PCDH15: variants seen among roughly 807,000 people sequenced by gnomAD.
PCDH15 encodes protocadherin related 15, also known as protocadherin-15.
PCDH15 carries 129 observed loss-of-function variants against 178.5 expected under a neutral mutation model. The ratio of observed to expected loss-of-function variants is 0.72; its 90% CI spans 0.63 to 0.84. PCDH15 has a LOEUF of 0.84. Ranked by LOEUF, PCDH15 falls within the 40% of genes least tolerant of loss-of-function variation. The pLI is 0.00. For missense variants in PCDH15, 2,230 were observed against 2,099.9 expected (o/e 1.06, Z -1.21); for synonymous variants, 800 against 732.0 (o/e 1.09, Z -1.50).
intron 8 of PCDH15, among the ~76,000 whole-genome samples, chr10:54,243,799 G>A (rs537584906): frequency 2.0e-5 from 3 of 151,974 alleles, no homozygotes; most frequent in South Asian, 4.2e-4. Flanking sequence ...CAGACATATC[G>A]AAATGTTTTT....
In PCDH15 at chr10:53,871,177, A is replaced by T. The variant is rs1268599811; in HGVS notation, c.3502-4320T>A. On this transcript the variant is annotated intron_variant, in intron 26 of 37. Transcript: ENST00000644397. ...TGAAACCCCGTCTCTACTAAAAATT[A>T]AAAAAAAAAAAAAATTAGCTGGGCG... 1.2e-3 allele frequency among the ~76,000 whole-genome samples: 37 copies of T among 30,448 alleles called. 2 individuals carry two copies. Among genetic ancestry groups the T allele is most frequent in the African/African-American group, 2.2e-3 (33 of 14,776 alleles). 20.0% of individuals were successfully genotyped at this position (30,448 alleles called of 152,430 possible). A position where few individuals can be genotyped will look rare whatever the true frequency, so the allele number is the denominator to read the frequency against.
At chr10:54,669,078 C>G (rs1475849689) in intron 1 of PCDH15, among the ~76,000 whole-genome samples, 2 of 152,076 alleles carry the variant, frequency 1.3e-5, no homozygotes, top group Non-Finnish European at 2.9e-5. Flanking sequence ...TGAGGTTTTC[C>G]AAAGTCACTG....
At chr10:54,387,029 A>G (rs745808885) in intron 3 of PCDH15, among the ~76,000 whole-genome samples, 4 of 152,170 alleles carry the variant, frequency 2.6e-5, no homozygotes, top group Admixed American at 6.6e-5. Context: ...GAGGTAATAC[A>G]TATGTTAGTT....
chr10:55,044,843 G>A (rs559948193), intron 2 of PCDH15, among the ~76,000 whole-genome samples: 1 of 152,190 alleles, frequency 6.6e-6, no homozygotes, highest in South Asian at 2.1e-4. Flanking sequence ...TAGGGAATGA[G>A]CAAATCACAA....
chr10:54,964,649 C>T (rs1030175747), intron 2 of PCDH15, among the ~76,000 whole-genome samples: 1 of 152,078 alleles, frequency 6.6e-6, no homozygotes, highest in African/African-American at 2.4e-5. Flanking sequence ...CTATAAGATC[C>T]TTAAAACATT....
At chr10:55,095,021 A>T (rs544978325) in intron 2 of PCDH15, among the ~76,000 whole-genome samples, 6 of 150,952 alleles carry the variant, frequency 4.0e-5, no homozygotes, top group African/African-American at 1.5e-4. Context: ...ACCCTGGCTC[A>T]AGGGATCCTT....
At chr10:54,132,547 T>C (rs530540276) in intron 15 of PCDH15, among the ~76,000 whole-genome samples, 1 of 152,234 alleles carries the variant, frequency 6.6e-6, no homozygotes, top group African/African-American at 2.4e-5. Flanking sequence ...CAGAAAATAA[T>C]AGTCAGCTGC....
At chr10:54,957,652 G>A (rs1028883394) in intron 2 of PCDH15, among the ~76,000 whole-genome samples, 1 of 151,376 alleles carries the variant, frequency 6.6e-6, no homozygotes, top group African/African-American at 2.4e-5. Flanking sequence ...TCTCTCCATA[G>A]CAGGAAGGAA....
chr10:54,510,963 C>T (rs1215883309), intron 3 of PCDH15, among the ~76,000 whole-genome samples: 1 of 152,010 alleles, frequency 6.6e-6, no homozygotes, highest in East Asian at 1.9e-4. Context: ...GAACAAATGA[C>T]TTTTGTGAGT....
chr10:54,213,607 T>C (rs2134103637), intron 10 of PCDH15, among the ~76,000 whole-genome samples: 1 of 152,306 alleles, frequency 6.6e-6, no homozygotes, highest in Admixed American at 6.5e-5. Context: ...GTCATGTTTT[T>C]GTGGTAAAAC....
intron 13 of PCDH15, among the ~76,000 whole-genome samples, chr10:54,176,956 TA>T (rs5785043): frequency 1.4e-4 from 21 of 148,626 alleles, no homozygotes; most frequent in Middle Eastern, 3.5e-3. Context: ...TATGTCCATG[TA>T]AAAAAAAAAA....
chr10:55,295,946 C>A (rs2132272929), intron 1 of PCDH15, among the ~76,000 whole-genome samples: 1 of 151,902 alleles, frequency 6.6e-6, no homozygotes, highest in East Asian at 1.9e-4. Context: ...ATCACAAGTC[C>A]CAGGTAGTCA....
chr10:54,567,506 T>C (rs1160472661), intron 2 of PCDH15, among the ~76,000 whole-genome samples: 1 of 152,164 alleles, frequency 6.6e-6, no homozygotes, highest in African/African-American at 2.4e-5. Context: ...TCAATGCTTT[T>C]AGCTCTTCCA....
At position 55,161,819 on chromosome 10, in the gene PCDH15, G is replaced by C. The variant is rs186152953; in HGVS notation, c.-80+4757C>G. On this transcript the variant is annotated intron_variant, in intron 2 of 5. Coordinates refer to the PCDH15 transcript ENST00000458638. ...CAAATGCTGCTTTAACAAAGTGCAA[G>C]AAAAAACAATTGTTAAAATGATTTG... is the stretch of plus-strand genomic sequence containing the variant. Among the ~76,000 whole-genome samples the C allele has an allele frequency of 1.5e-3, 233 of 152,166 alleles. 2 individuals carry two copies. Among genetic ancestry groups the C allele is most frequent in the African/African-American group, 5.2e-3 (218 of 41,538 alleles).
chr10:54,822,665 T>G (rs186122946), intron 3 of PCDH15, among the ~76,000 whole-genome samples: 2 of 152,208 alleles, frequency 1.3e-5, no homozygotes, highest in Non-Finnish European at 2.9e-5. Context: ...TCTGGATTGC[T>G]GGATCACATG....
intron 3 of PCDH15, among the ~76,000 whole-genome samples, chr10:54,423,261 T>A (rs1955788181): frequency 6.6e-6 from 1 of 152,084 alleles, no homozygotes; most frequent in Admixed American, 6.6e-5. Flanking sequence ...CCCTGGTTAC[T>A]AAATTAGCAA....
At chr10:54,721,765 T>C (rs1941653418) in intron 1 of PCDH15, among the ~76,000 whole-genome samples, 1 of 151,776 alleles carries the variant, frequency 6.6e-6, no homozygotes, top group Non-Finnish European at 1.5e-5. Flanking sequence ...AACAGAAAGA[T>C]TCAAAGCCAA....
intron 2 of PCDH15, among the ~76,000 whole-genome samples, chr10:55,334,689 G>A (rs1844331677): frequency 6.6e-6 from 1 of 151,968 alleles, no homozygotes; most frequent in Admixed American, 6.6e-5. Flanking sequence ...TTCTTAAACT[G>A]AGACTCTGAA....
At chr10:54,721,569 G>T (rs765056955) in intron 1 of PCDH15, among the ~76,000 whole-genome samples, 12 of 151,658 alleles carry the variant, frequency 7.9e-5, no homozygotes, top group Non-Finnish European at 1.6e-4. Flanking sequence ...AAATACAAAA[G>T]ATTATAAGAG....
Sources: gnomAD v4.1 joint callset for allele counts (sites outside exome capture counted in the v4.1 genomes callset) on GRCh38, gnomAD v4.1.1 for gene constraint, MANE v1.5 for transcripts, NCBI Gene and HGNC (gene_info 2026-07-23, HGNC 2026-07-21) for gene names.